The following FLACC1 variants were observed in gnomAD, a reference collection of about 807,000 sequenced individuals.
FLACC1 encodes flagellum-associated coiled-coil domain-containing protein 1.
In FLACC1, 66 loss-of-function variants were observed where a neutral mutation model predicts 62.8. The observed-to-expected ratio is 1.05, with a 90% CI of 0.86 to 1.29. FLACC1 has a LOEUF of 1.29. Ranked by LOEUF, FLACC1 falls within the 50% of genes most tolerant of loss-of-function variation. The pLI is 0.00. For missense variants in FLACC1, 452 were observed against 489.1 expected, an observed-to-expected ratio of 0.92 and a Z score of 0.71; for synonymous variants, 156 against 161.0, an observed-to-expected ratio of 0.97 and a Z score of 0.24.
chr2:201,332,767 T>A (rs1207006199), intron 7 of FLACC1, among the ~76,000 whole-genome samples: 1 of 151,818 alleles, frequency 6.6e-6, no homozygotes, highest in Non-Finnish European at 1.5e-5. Flanking sequence ...TTTCTATGAG[T>A]TTGATTGTTT....
chr2:201,308,719 G>T (rs1333986013), intron 10 of FLACC1, among the ~76,000 whole-genome samples: 1 of 152,130 alleles, frequency 6.6e-6, no homozygotes, highest in Non-Finnish European at 1.5e-5. Context: ...GGAAGACGTG[G>T]GAATATAGAA....
At chr2:201,353,332 A>T (rs554077698) in intron 1 of FLACC1, among the ~76,000 whole-genome samples, 4 of 152,242 alleles carry the variant, frequency 2.6e-5, no homozygotes, top group Non-Finnish European at 4.4e-5. Flanking sequence ...GGGATGTATA[A>T]GAGCCAAATC....
At chr2:201,305,866 T>C (rs10200256) in intron 11 of FLACC1, among the ~76,000 whole-genome samples, 8,561 of 147,742 alleles carry the variant, frequency 0.058, 679 homozygotes, top group African/African-American at 0.18. Flanking sequence ...TTCTCATTCG[T>C]AGGTAGGAAA....
chr2:201,346,521 A>T lies in FLACC1; in HGVS notation c.368+21T>A, dbSNP rs1471777631. 6.2e-7 allele frequency: 1 copy of T among 1,612,438 alleles called. No individual in the cohort carries two copies. Among genetic ancestry groups the T allele is most frequent in the East Asian group, 2.2e-5 (1 of 44,856 alleles). Reference sequence around the variant, plus strand: ...GGTGGGAGTAGCCCCAAGCAGCTGCATGTTGCTGCAACAGCATTACCTGGA... The same window carrying T: ...GGTGGGAGTAGCCCCAAGCAGCTGCTTGTTGCTGCAACAGCATTACCTGGA... On this transcript the variant is annotated intron_variant, in intron 5 of 14. Coordinates refer to ENST00000392257, the MANE Select transcript of FLACC1 (RefSeq NM_001127391.3). This position sits in a 1 kb window ranked among gnomAD's most constrained non-coding sequence, Gnocchi z 4.0.
intron 9 of FLACC1, among the ~76,000 whole-genome samples, chr2:201,319,409 TA>T (rs56077648): frequency 0.093 from 14,191 of 152,138 alleles, 793 homozygotes; most frequent in Non-Finnish European, 0.13. Context: ...CTAAGAATCC[TA>T]GAAGAAAACC....
chr2:201,289,894 C>T (rs966685702), intron 12 of FLACC1, 109 bp from the exon 13 acceptor site: 9 of 1,587,526 alleles, frequency 5.7e-6, no homozygotes, highest in Non-Finnish European at 6.9e-6. Flanking sequence ...GCTACTTTTG[C>T]ATCACTCATG....
At chr2:201,337,878 A>G (rs193118590) in intron 7 of FLACC1, among the ~76,000 whole-genome samples, 7 of 152,248 alleles carry the variant, frequency 4.6e-5, no homozygotes, top group Admixed American at 6.5e-5. Flanking sequence ...TTTTCCCCAC[A>G]GGATTGCTTT....
Position 201,330,777 on chromosome 2 carries a change from G to C in FLACC1, c.581C>G (p.Ala194Gly), listed in dbSNP as rs1388100004. The change falls in exon 8 of 15, where the codon GCA becomes GGA. Residue 194 changes from alanine to glycine, a missense_variant. Ala to Gly is a moderately conservative substitution (Grantham distance 60, BLOSUM62 0). Transcript: ENST00000392257. ...ELSELENNYK[A>G]ALKAEKLAAQ... ...AGCCAACTTCTCTGCCTTCAAGGCT[G>C]CTTTGTAGTTGTTCTCCAACTCACT... The C allele has an allele frequency of 5.0e-6, 8 of 1,613,768 alleles. No homozygotes were observed. Among genetic ancestry groups the C allele is most frequent in the African/African-American group, 1.3e-5 (1 of 74,888 alleles).
chr2:201,343,134 C>A (rs187846233), intron 6 of FLACC1, among the ~76,000 whole-genome samples: 25 of 152,286 alleles, frequency 1.6e-4, no homozygotes, highest in African/African-American at 5.5e-4. Context: ...AACAGCCCAG[C>A]GTCAGCCAAC....
chr2:201,344,774 T>G (rs1950880050), intron 5 of FLACC1, among the ~76,000 whole-genome samples: 1 of 152,204 alleles, frequency 6.6e-6, no homozygotes, highest in African/African-American at 2.4e-5. Context: ...TGCCATGGTA[T>G]CTGTAAATTA....
At chr2:201,351,480 T>C (rs1320216658) in intron 1 of FLACC1, 29 bp from the exon 2 acceptor site, 1 of 1,114,274 alleles carries the variant, frequency 9.0e-7, no homozygotes, top group African/African-American at 1.6e-5. Flanking sequence ...AGCAGAAGGT[T>C]AAACCATTTA....
the FLACC1 span, among the ~76,000 whole-genome samples, chr2:201,363,610 C>T: frequency 6.6e-6 from 1 of 151,948 alleles, no homozygotes; most frequent in African/African-American, 2.4e-5. Context: ...GTCACCCAAA[C>T]CCTCCTACGC....
At chr2:201,302,133 G>C (rs1402978254) in intron 11 of FLACC1, among the ~76,000 whole-genome samples, 2 of 152,170 alleles carry the variant, frequency 1.3e-5, no homozygotes, top group Non-Finnish European at 2.9e-5. Context: ...AAAAGACACA[G>C]ACTGGCAAAT....
chr2:201,347,758 G>A (rs1320520506), intron 4 of FLACC1, among the ~76,000 whole-genome samples: 4 of 152,116 alleles, frequency 2.6e-5, no homozygotes, highest in African/African-American at 7.2e-5. Context: ...CTGTGCCTGC[G>A]TCAGACCAGT....
intron 1 of FLACC1, among the ~76,000 whole-genome samples, chr2:201,355,365 T>TC (rs1325326655): frequency 6.6e-6 from 1 of 152,092 alleles, no homozygotes; most frequent in African/African-American, 2.4e-5. Flanking sequence ...GTTGTAATCG[T>TC]CATTACCATA....
At chr2:201,320,860 C>G (rs1287460033) in intron 9 of FLACC1, among the ~76,000 whole-genome samples, 1 of 152,216 alleles carries the variant, frequency 6.6e-6, no homozygotes, top group Admixed American at 6.5e-5. Flanking sequence ...AGCAAAAGTC[C>G]TATTGCTACT....
At chr2:201,324,990 T>A (rs1950475535) in intron 9 of FLACC1, among the ~76,000 whole-genome samples, 1 of 151,934 alleles carries the variant, frequency 6.6e-6, no homozygotes, top group Admixed American at 6.6e-5. Context: ...TAGCTGGGTG[T>A]GGTAACAGGC....
intron 9 of FLACC1, 27 bp from the exon 10 acceptor site, chr2:201,309,277 GAA>G (rs1338071636): frequency 1.3e-6 from 2 of 1,553,290 alleles, no homozygotes; most frequent in Non-Finnish European, 8.9e-7. Flanking sequence ...GCACCATGAA[GAA>G]AAGAGTCCTA....
At chr2:201,351,564 G>A (rs1230252509) in intron 1 of FLACC1, 113 bp from the exon 2 acceptor site, 4 of 619,036 alleles carry the variant, frequency 6.5e-6, no homozygotes, top group Non-Finnish European at 1.1e-5. Context: ...GATTCCAGAA[G>A]CTGTTGATCT....
Sources: allele counts gnomAD v4.1 joint callset (sites outside exome capture counted in the v4.1 genomes callset), GRCh38; gene constraint gnomAD v4.1.1; non-coding constraint Gnocchi (gnomAD v3.1); transcripts MANE v1.5; gene names NCBI Gene and HGNC (gene_info 2026-07-23, HGNC 2026-07-21).